The following TUSC3 variants were observed in gnomAD, a reference collection of about 807,000 sequenced individuals.
TUSC3 encodes dolichyl-diphosphooligosaccharide--protein glycosyltransferase subunit TUSC3.
TUSC3 carries 45 observed loss-of-function variants against 44.8 expected under a neutral mutation model. That is an observed-to-expected ratio of 1.00 (90% confidence interval 0.79 to 1.29). The LOEUF is 1.29. Among genes scored for constraint, TUSC3 ranks in the 50% most tolerant of loss-of-function variants. The pLI, the probability that TUSC3 is intolerant of heterozygous loss-of-function variation, is 0.00. For synonymous variants in TUSC3, 212 were observed against 152.9 expected (o/e 1.39, Z -2.85); for missense variants, 519 against 437.9 (o/e 1.19, Z -1.65).
At chr8:15,626,095 G>T (rs923019364) in intron 2 of TUSC3, among the ~76,000 whole-genome samples, 1 of 152,260 alleles carries the variant, frequency 6.6e-6, no homozygotes, top group South Asian at 2.1e-4. Flanking sequence ...GGGGAGACCC[G>T]TGTGCACCGT....
chr8:15,672,499 C>G (rs1018949869), intron 5 of TUSC3, among the ~76,000 whole-genome samples: 12 of 152,020 alleles, frequency 7.9e-5, no homozygotes, highest in African/African-American at 2.9e-4. Flanking sequence ...TGGACTTGCT[C>G]AAGGTTGCAC....
At chr8:15,477,716 G>C (rs1005015819) in intron 1 of TUSC3, among the ~76,000 whole-genome samples, 2 of 152,032 alleles carry the variant, frequency 1.3e-5, no homozygotes, top group African/African-American at 2.4e-5. Context: ...GTGAGACTCT[G>C]TCTCAAAAAA....
chr8:15,777,578 G>A, the TUSC3 span, among the ~76,000 whole-genome samples: 4 of 152,240 alleles, frequency 2.6e-5, no homozygotes, highest in South Asian at 8.3e-4. Context: ...GCATATAAAT[G>A]ATAGTACTTC....
At chr8:15,645,725 T>G (rs1398736021) in intron 2 of TUSC3, among the ~76,000 whole-genome samples, 1 of 152,152 alleles carries the variant, frequency 6.6e-6, no homozygotes, top group Non-Finnish European at 1.5e-5. Flanking sequence ...GATTTAGTCA[T>G]TGTAACCTTT....
At chr8:15,594,403 G>C (rs1803981336) in intron 1 of TUSC3, among the ~76,000 whole-genome samples, 1 of 151,962 alleles carries the variant, frequency 6.6e-6, no homozygotes, top group African/African-American at 2.4e-5. Context: ...TTCCTATCAT[G>C]GAATGTATTT....
intron 2 of TUSC3, among the ~76,000 whole-genome samples, chr8:15,521,553 T>G (rs1216311022): frequency 1.3e-5 from 2 of 151,984 alleles, no homozygotes; most frequent in Non-Finnish European, 2.9e-5. Flanking sequence ...CATACCACAT[T>G]GAAAGAAGAA....
intron 6 of TUSC3, among the ~76,000 whole-genome samples, chr8:15,675,411 T>C (rs1172640672): frequency 7.3e-6 from 1 of 136,074 alleles, no homozygotes; most frequent in Non-Finnish European, 1.6e-5. Context: ...CATATTGTAT[T>C]CTTTTTTTTT....
At chr8:15,523,763 A>G (rs940102640) in intron 2 of TUSC3, among the ~76,000 whole-genome samples, 3 of 146,864 alleles carry the variant, frequency 2.0e-5, no homozygotes, top group Non-Finnish European at 4.5e-5. Context: ...ATAAATTAGA[A>G]AGTAAAAATA....
At chr8:15,446,010 CGGGCCGGCTGCCGGGCGG>C (rs1800092325) in intron 1 of TUSC3, among the ~76,000 whole-genome samples, 1 of 151,586 alleles carries the variant, frequency 6.6e-6, no homozygotes, top group Non-Finnish European at 1.5e-5. Flanking sequence ...ACTTCCCAGA[CGGGCCGGCTGCCGGGCGG>C]AGGGGCTCCT....
At chr8:15,812,088 T>C in the TUSC3 span, among the ~76,000 whole-genome samples, 3 of 152,142 alleles carry the variant, frequency 2.0e-5, no homozygotes, top group Non-Finnish European at 4.4e-5. Context: ...CTTGTCAAGG[T>C]TTTTGGGACA....
chr8:15,525,982 T>G (rs924478103), intron 2 of TUSC3, among the ~76,000 whole-genome samples: 1 of 151,298 alleles, frequency 6.6e-6, no homozygotes, highest in African/African-American at 2.4e-5. Flanking sequence ...ACAGTGAGGG[T>G]TTTCAAGCAG....
At chr8:15,608,033 G>A (rs1442105470) in intron 1 of TUSC3, among the ~76,000 whole-genome samples, 1 of 152,174 alleles carries the variant, frequency 6.6e-6, no homozygotes, top group Non-Finnish European at 1.5e-5. Context: ...CCAGAATGGT[G>A]AGAATGTCTA....
At chr8:15,820,277 C>G in the TUSC3 span, among the ~76,000 whole-genome samples, 2 of 148,828 alleles carry the variant, frequency 1.3e-5, no homozygotes, top group African/African-American at 4.9e-5. Context: ...GAATTTCTGC[C>G]TGTATATTCA....
intron 1 of TUSC3, among the ~76,000 whole-genome samples, chr8:15,608,708 C>T (rs1376196836): frequency 6.6e-6 from 1 of 152,144 alleles, no homozygotes; most frequent in Non-Finnish European, 1.5e-5. Context: ...TTTCACTTCA[C>T]TTCTCTTGCC....
At chr8:15,769,465 C>T (rs1039632307), downstream of TUSC3, among the ~76,000 whole-genome samples, 6 of 152,092 alleles carry the variant, frequency 3.9e-5, no homozygotes, top group African/African-American at 1.4e-4. Flanking sequence ...AGACCTAAAA[C>T]CTTAAAAACC....
chr8:15,492,892 G>C (rs997629264), intron 2 of TUSC3, among the ~76,000 whole-genome samples: 12 of 151,924 alleles, frequency 7.9e-5, no homozygotes, highest in African/African-American at 2.9e-4. Flanking sequence ...ATTATCTAGT[G>C]ATAATTATCT....
intron 6 of TUSC3, among the ~76,000 whole-genome samples, chr8:15,692,681 C>A (rs1393126259): frequency 6.7e-6 from 1 of 149,284 alleles, no homozygotes; most frequent in African/African-American, 2.5e-5. Flanking sequence ...TTTCTATTTC[C>A]ATGGAGTCAG....
chr8:15,523,682 G>GTA (rs1167010172), intron 2 of TUSC3, among the ~76,000 whole-genome samples: 3 of 38,656 alleles, frequency 7.8e-5, no homozygotes, highest in Admixed American at 5.9e-4. Flanking sequence ...GTGTGTGTGT[G>GTA]TGTGTGTGTG....
Position 15,764,711 on chromosome 8 carries a change from G to C in TUSC3, c.*555G>C, listed in dbSNP as rs977947480. 2 of 155,442 alleles carry C rather than the reference G, an allele frequency of 1.3e-5. No homozygotes were observed. Among genetic ancestry groups the C allele is most frequent in the African/African-American group, 4.8e-5 (2 of 41,410 alleles). 9.6% of individuals were successfully genotyped at this position (155,442 alleles called of 1,614,324 possible). A position where few individuals can be genotyped will look rare whatever the true frequency, so the allele number is the denominator to read the frequency against. On this transcript the variant is annotated 3_prime_UTR_variant, in exon 11 of 11. Coordinates refer to ENST00000503731, the MANE Select transcript of TUSC3 (RefSeq NM_006765.4). ...ATTATAACTAGATAAAGGTATATAG[G>C]ACAGGGAACTGGATGAATGGTACCT...
Sources: gnomAD v4.1 joint callset for allele counts (sites outside exome capture counted in the v4.1 genomes callset) on GRCh38, gnomAD v4.1.1 for gene constraint, MANE v1.5 for transcripts, NCBI Gene and HGNC (gene_info 2026-07-23, HGNC 2026-07-21) for gene names.